The following NSF variants were observed in gnomAD, a reference collection of about 807,000 sequenced individuals.
The protein encoded by NSF is vesicle-fusing ATPase.
Under a neutral mutation model 50.3 loss-of-function variants are expected in NSF, and 14 were observed. That is an observed-to-expected ratio of 0.28 (90% CI 0.18 to 0.44). The LOEUF is 0.44. NSF is among the 20% of genes least tolerant of loss of function. NSF has a pLI of 1.00. For missense variants in NSF, 218 were observed against 504.3 expected (o/e 0.43, Z 5.44); for synonymous variants, 109 against 175.7 (o/e 0.62, Z 3.00).
chr17:46,739,874 A>G (rs1040623344), intron 17 of NSF, among the ~76,000 whole-genome samples: 1 of 151,850 alleles, frequency 6.6e-6, no homozygotes, highest in African/African-American at 2.4e-5. Context: ...AATTTTTTGT[A>G]TTTTTAGCAG....
intron 17 of NSF, among the ~76,000 whole-genome samples, chr17:46,742,240 A>G (rs189140209): frequency 7.0e-4 from 106 of 152,328 alleles, no homozygotes; most frequent in Non-Finnish European, 1.2e-3. Context: ...GTTGCTATCA[A>G]CACTTGGGGC....
intron 1 of NSF, among the ~76,000 whole-genome samples, chr17:46,605,351 G>T (rs1321416191): frequency 3.5e-5 from 4 of 112,860 alleles, no homozygotes; most frequent in Non-Finnish European, 7.5e-5. Context: ...AGGAGGCTGA[G>T]GCAGGAGAAT....
intron 8 of NSF, among the ~76,000 whole-genome samples, chr17:46,663,998 AC>A (rs1158379252): frequency 6.9e-6 from 1 of 145,864 alleles, no homozygotes; most frequent in Non-Finnish European, 1.5e-5. Context: ...AGTTGGTGGG[AC>A]AACAGCAAGT....
chr17:46,720,070 T>C (rs1404524259), intron 15 of NSF, among the ~76,000 whole-genome samples: 2 of 152,226 alleles, frequency 1.3e-5, no homozygotes, highest in Non-Finnish European at 2.9e-5. Context: ...CTAATCCTCC[T>C]CTTTTCATGG....
intron 15 of NSF, 46 bp downstream of exon 15, chr17:46,714,032 G>A: frequency 2.6e-6 from 4 of 1,563,906 alleles, no homozygotes; most frequent in Non-Finnish European, 3.5e-6. Context: ...TCTTAAATGT[G>A]TGTGTGTGTG....
intron 15 of NSF, among the ~76,000 whole-genome samples, chr17:46,720,750 T>A (rs1011779599): frequency 1.3e-5 from 2 of 152,226 alleles, no homozygotes; most frequent in Admixed American, 1.3e-4. Flanking sequence ...AACTAGGTAC[T>A]TCACGCCAAG....
At chr17:46,755,400 A>G (rs1420284037) in intron 20 of NSF, 31 bp downstream of exon 20, 2 of 1,525,832 alleles carry the variant, frequency 1.3e-6, no homozygotes, top group South Asian at 1.1e-5. Context: ...ATGACCATCA[A>G]CCAAACTTAC....
intron 4 of NSF, among the ~76,000 whole-genome samples, chr17:46,635,799 G>GTGTGTGTGTGTGTGTT (rs2058181404): frequency 2.1e-5 from 3 of 140,422 alleles, no homozygotes; most frequent in African/African-American, 8.0e-5. Flanking sequence ...GTGTGTGTGT[G>GTGTGTGTGTGTGTGTT]TGTGTGTGTG....
At chr17:46,710,759 T>G (rs2058712123) in intron 13 of NSF, among the ~76,000 whole-genome samples, 1 of 152,208 alleles carries the variant, frequency 6.6e-6, no homozygotes, top group Non-Finnish European at 1.5e-5. Flanking sequence ...TTTATTCCAT[T>G]AAGTCACCCA....
chr17:46,661,378 T>TTATTATTATTATTA (rs2058299060), intron 8 of NSF, among the ~76,000 whole-genome samples: 1 of 106,564 alleles, frequency 9.4e-6, no homozygotes, highest in African/African-American at 4.4e-5. Context: ...TACATTTCTT[T>TTATTATTATTATTA]TTATTATTAT....
chr17:46,728,797 T>A, intron 16 of NSF, 58 bp from the exon 17 acceptor site: 2 of 1,138,092 alleles, frequency 1.8e-6, no homozygotes, highest in Middle Eastern at 2.0e-4. Context: ...AAAAACTGAA[T>A]GTTTGGAATA....
At chr17:46,739,472 G>A (rs1454108976) in intron 17 of NSF, among the ~76,000 whole-genome samples, 2 of 150,196 alleles carry the variant, frequency 1.3e-5, no homozygotes, top group Non-Finnish European at 3.0e-5. Flanking sequence ...CCAGGAGGTC[G>A]AGGCTGCAGT....
intron 9 of NSF, among the ~76,000 whole-genome samples, chr17:46,676,240 T>G (rs2058405986): frequency 6.7e-6 from 1 of 149,484 alleles, no homozygotes; most frequent in Non-Finnish European, 1.5e-5. Flanking sequence ...CTTCTTTTTT[T>G]TTTTTTTTTG....
chr17:46,631,080 A>ACACACACACACG lies in NSF; in HGVS notation c.238+641_238+642insGCACACACACAC, dbSNP rs1555668570. Among the ~76,000 whole-genome samples, 387 of 144,116 alleles carry ACACACACACACG rather than the reference A, an allele frequency of 2.7e-3. 18 individuals carry two copies. The highest frequency in any genetic ancestry group is 0.011 in the African/African-American group (370 of 34,944). The allele number at this position is 144,116 out of a possible 152,430, so 94.5% of individuals were successfully genotyped here. ...TCTCTGTACACACACACACACACAC[A>ACACACACACACG]CACACACACACACACACACACACAC... On this transcript the variant is annotated intron_variant, in intron 4 of 20. Coordinates refer to ENST00000398238, the MANE Select transcript of NSF (RefSeq NM_006178.4).
At chr17:46,750,949 G>A (rs2059176631) in intron 18 of NSF, among the ~76,000 whole-genome samples, 2 of 151,738 alleles carry the variant, frequency 1.3e-5, no homozygotes, top group African/African-American at 2.4e-5. Flanking sequence ...AAAAAAGAAC[G>A]TTCTTCATTT....
At chr17:46,717,400 C>A (rs1013211641) in intron 15 of NSF, among the ~76,000 whole-genome samples, 71 of 152,078 alleles carry the variant, frequency 4.7e-4, no homozygotes, top group African/African-American at 1.7e-3. Flanking sequence ...TGTTGGACAG[C>A]ACAATAAATT....
At chr17:46,724,912 C>T (rs2058871468) in intron 15 of NSF, among the ~76,000 whole-genome samples, 1 of 152,022 alleles carries the variant, frequency 6.6e-6, no homozygotes, top group Non-Finnish European at 1.5e-5. Context: ...ATTTCCATTC[C>T]CTGACTTCAA....
intron 1 of NSF, among the ~76,000 whole-genome samples, chr17:46,599,583 T>C (rs2057897231): frequency 1.0e-5 from 1 of 97,140 alleles, no homozygotes; most frequent in Non-Finnish European, 1.9e-5. Context: ...TTTTTAAAAA[T>C]AGAACATTAC....
At chr17:46,745,732 C>T (rs1478412691) in intron 17 of NSF, among the ~76,000 whole-genome samples, 1 of 152,204 alleles carries the variant, frequency 6.6e-6, no homozygotes, top group Non-Finnish European at 1.5e-5. Context: ...GAGGATGTAT[C>T]AGCATGTGTG....
Sources: allele counts gnomAD v4.1 joint callset (sites outside exome capture counted in the v4.1 genomes callset), GRCh38; gene constraint gnomAD v4.1.1; transcripts MANE v1.5; gene names NCBI Gene and HGNC (gene_info 2026-07-23, HGNC 2026-07-21).